The following RGS9 variants were observed in gnomAD, a reference collection of about 807,000 sequenced individuals.
RGS9 encodes the protein regulator of G-protein signalling 9.
In RGS9, 78 loss-of-function variants were observed where a neutral mutation model predicts 102.0. The observed-to-expected ratio is 0.76, with a 90% CI of 0.64 to 0.92. The LOEUF (loss-of-function observed/expected upper bound fraction) is 0.92, where lower values mean the gene tolerates loss of function less well. Ranked by LOEUF, RGS9 falls within the 40% of genes least tolerant of loss-of-function variation. The pLI is 0.00. For synonymous variants in RGS9, 353 were observed against 318.6 expected (o/e 1.11, Z -1.15); for missense variants, 833 against 866.1 (o/e 0.96, Z 0.48).
intron 1 of RGS9, among the ~76,000 whole-genome samples, chr17:65,143,738 G>A (rs558480078): frequency 6.6e-6 from 1 of 150,420 alleles, no homozygotes; most frequent in East Asian, 2.0e-4. Context: ...AGGTTGCAGT[G>A]AGCCGAGATT....
At chr17:65,194,667 G>A (rs143962852) in intron 12 of RGS9, among the ~76,000 whole-genome samples, 1 of 152,262 alleles carries the variant, frequency 6.6e-6, no homozygotes, top group African/African-American at 2.4e-5. Flanking sequence ...AGAAACACAG[G>A]AGAGTTCCGG....
chr17:65,152,089 A>G (rs1910599618), intron 1 of RGS9, among the ~76,000 whole-genome samples: 1 of 152,154 alleles, frequency 6.6e-6, no homozygotes, highest in Non-Finnish European at 1.5e-5. Context: ...GGGCGTCAGG[A>G]GTGCCAAGGG....
At position 65,216,683 on chromosome 17, in the gene RGS9, T is replaced by C. The variant is rs1913534759; in HGVS notation, c.1407+6078T>C. ...TTTACCTGGATCCTCCCCCTACTCC[T>C]AAGTCCCAACACGAGGTTGAAAATG... On this transcript the variant is annotated intron_variant, in intron 17 of 18. Coordinates refer to ENST00000262406, the MANE Select transcript of RGS9 (RefSeq NM_003835.4). Among the ~76,000 whole-genome samples, 15 of 152,304 alleles carry C rather than the reference T, an allele frequency of 9.8e-5. No homozygotes were observed. The South Asian group carries it at 2.9e-3, about 29-fold the overall frequency.
In RGS9 at chr17:65,158,266, A is replaced by G. The variant is rs778569068; in HGVS notation, c.155-29A>G. On this transcript the variant is annotated intron_variant, in intron 2 of 18. Coordinates refer to ENST00000262406, the MANE Select transcript of RGS9 (RefSeq NM_003835.4). ...CGGGGATGTGTCAGGAGGCTATGAC[A>G]ATAACCGCAAATGTCTCTTGTTTTT... 9.3e-6 allele frequency: 15 copies of G among 1,612,508 alleles called. No homozygotes were observed. In the Admixed American group the frequency reaches 1.2e-4, roughly 13 times the overall value.
chr17:65,163,913 A>C (rs1446690072), intron 7 of RGS9, among the ~76,000 whole-genome samples: 1 of 152,236 alleles, frequency 6.6e-6, no homozygotes, highest in African/African-American at 2.4e-5. Flanking sequence ...TGAGGGCCAT[A>C]GGGAGCCATA....
intron 6 of RGS9, among the ~76,000 whole-genome samples, chr17:65,161,635 C>G (rs978202615): frequency 6.6e-6 from 1 of 152,092 alleles, no homozygotes; most frequent in Non-Finnish European, 1.5e-5. Context: ...CCAAAGAACA[C>G]ATGCTAGCCC....
At chr17:65,220,986 GGGGCA>G (rs1183678729) in intron 17 of RGS9, among the ~76,000 whole-genome samples, 1 of 152,198 alleles carries the variant, frequency 6.6e-6, no homozygotes, top group African/African-American at 2.4e-5. Flanking sequence ...AATGGTAGGT[GGGGCA>G]TGGGCTGGAG....
At chr17:65,224,906 C>T in intron 17 of RGS9, 96 bp from the exon 18 acceptor site, 1 of 1,543,996 alleles carries the variant, frequency 6.5e-7, no homozygotes, top group Non-Finnish European at 8.9e-7. Context: ...ACTCTTGTCG[C>T]TGGAAGGGGA....
rs138729024 is a variant in RGS9 at position 65,173,727 on chromosome 17, A to G, written c.583-4005A>G. On this transcript the variant is annotated intron_variant, in intron 8 of 18. Transcript: ENST00000262406. This position sits in a 1 kb window ranked among gnomAD's most constrained non-coding sequence, Gnocchi z 4.8. ...CCTTATTTCCTGGGCGCTGACAGTC[A>G]GTTCTGGTTAACTTCATCTGAACAC... Among the ~76,000 whole-genome samples, 206 of 152,362 alleles carry G rather than the reference A, an allele frequency of 1.4e-3. 1 individual carries two copies. The highest frequency in any genetic ancestry group is 3.1e-3 in the Admixed American group (48 of 15,304).
intron 12 of RGS9, among the ~76,000 whole-genome samples, chr17:65,195,855 G>A (rs767652199): frequency 1.3e-5 from 2 of 152,216 alleles, no homozygotes; most frequent in South Asian, 2.1e-4. Context: ...GGTTTACAGC[G>A]TTGATTCCCA....
chr17:65,197,541 G>A (rs1459180145), intron 13 of RGS9, among the ~76,000 whole-genome samples: 1 of 152,146 alleles, frequency 6.6e-6, no homozygotes, highest in East Asian at 1.9e-4. Flanking sequence ...ACTGTCACCC[G>A]AGGAGCCCCC....
Position 65,173,752 on chromosome 17 carries a change from C to G in RGS9, c.583-3980C>G, listed in dbSNP as rs1389911746. The stretch of plus-strand genomic sequence containing the variant: ...AGTTCTGGTTAACTTCATCTGAACA[C>G]CCTGTTATGTGCCAGAAACTGTGTC... On this transcript the variant is annotated intron_variant, in intron 8 of 18. Transcript: ENST00000262406. The surrounding 1 kb of genome is among the most constrained non-coding windows in gnomAD (Gnocchi z 4.8). Among the ~76,000 whole-genome samples, 2 of 152,206 alleles carry G rather than the reference C, an allele frequency of 1.3e-5. No individual in the cohort carries two copies. Among genetic ancestry groups the G allele is most frequent in the Non-Finnish European group, 2.9e-5 (2 of 68,038 alleles).
chr17:65,205,561 A>G (rs1567888544), intron 15 of RGS9, among the ~76,000 whole-genome samples: 1 of 152,088 alleles, frequency 6.6e-6, no homozygotes, highest in Non-Finnish European at 1.5e-5. Context: ...GTTATATGAT[A>G]TAGGTTATAT....
At chr17:65,222,109 G>T (rs887460897) in intron 17 of RGS9, among the ~76,000 whole-genome samples, 6 of 152,240 alleles carry the variant, frequency 3.9e-5, no homozygotes, top group Admixed American at 3.9e-4. Context: ...TCAGTTCCTC[G>T]TTTAAGACTC....
At chr17:65,146,164 T>G (rs924585066) in intron 1 of RGS9, among the ~76,000 whole-genome samples, 20 of 152,342 alleles carry the variant, frequency 1.3e-4, no homozygotes, top group Non-Finnish European at 5.9e-5. Flanking sequence ...AGTGGGATTA[T>G]ATGTCTTCTC....
intron 8 of RGS9, among the ~76,000 whole-genome samples, chr17:65,172,159 G>A (rs1488620752): frequency 6.6e-6 from 1 of 152,108 alleles, no homozygotes; most frequent in Admixed American, 6.5e-5. Flanking sequence ...ATTTTCAAAG[G>A]CCATTCATTG....
chr17:65,150,122 G>T (rs1910519134), intron 1 of RGS9, among the ~76,000 whole-genome samples: 1 of 152,160 alleles, frequency 6.6e-6, no homozygotes, highest in Non-Finnish European at 1.5e-5. Flanking sequence ...TGGTGTGAGA[G>T]CAGCCATCCA....
intron 17 of RGS9, among the ~76,000 whole-genome samples, chr17:65,223,467 A>T (rs1237462016): frequency 1.3e-5 from 2 of 152,120 alleles, no homozygotes; most frequent in African/African-American, 4.8e-5. Context: ...TTCTTCCCCC[A>T]CCAGAGCTGT....
intron 12 of RGS9, among the ~76,000 whole-genome samples, chr17:65,196,047 C>T (rs79974545): frequency 2.0e-5 from 3 of 152,242 alleles, no homozygotes; most frequent in Non-Finnish European, 4.4e-5. Flanking sequence ...GTCGTCATCA[C>T]AACTCAGCTT....
Sources: gnomAD v4.1 joint callset for allele counts (sites outside exome capture counted in the v4.1 genomes callset) on GRCh38, gnomAD v4.1.1 for gene constraint, Gnocchi (gnomAD v3.1) non-coding constraint, MANE v1.5 for transcripts, NCBI Gene and HGNC (gene_info 2026-07-23, HGNC 2026-07-21) for gene names.